The following ABCC6 variants were observed in gnomAD, a reference collection of about 807,000 sequenced individuals.
The protein encoded by ABCC6 is ATP binding cassette subfamily C member 6, also known as ATP-binding cassette sub-family C member 6.
ABCC6 carries 126 observed loss-of-function variants against 169.5 expected under a neutral mutation model. The ratio of observed to expected loss-of-function variants is 0.74; its 90% CI spans 0.64 to 0.86. The LOEUF is 0.86. Ranked by LOEUF, ABCC6 falls within the 40% of genes least tolerant of loss-of-function variation. ABCC6 has a pLI of 0.00. For synonymous variants in ABCC6, 752 were observed against 814.7 expected, an observed-to-expected ratio of 0.92 and a Z score of 1.31; for missense variants, 1,733 against 1,927.2, an observed-to-expected ratio of 0.90 and a Z score of 1.89.
intron 10 of ABCC6, among the ~76,000 whole-genome samples, chr16:16,197,263 A>G (rs2048069476): frequency 6.6e-6 from 1 of 152,114 alleles, no homozygotes; most frequent in Admixed American, 6.6e-5. Context: ...GGAAGTATCA[A>G]CGTCATCATC....
chr16:16,186,130 C>T (rs1013956911), intron 14 of ABCC6, among the ~76,000 whole-genome samples: 10 of 152,230 alleles, frequency 6.6e-5, no homozygotes, highest in Admixed American at 5.9e-4. Flanking sequence ...TTTCCAGGTA[C>T]ACAGTTTGCC....
chr16:16,163,531 C>T (rs1427145302), intron 23 of ABCC6, among the ~76,000 whole-genome samples: 2 of 152,168 alleles, frequency 1.3e-5, no homozygotes, highest in Non-Finnish European at 2.9e-5. Flanking sequence ...TGAGAAACCA[C>T]CAATTTAGTT....
intron 27 of ABCC6, among the ~76,000 whole-genome samples, chr16:16,155,965 G>C (rs1183170359): frequency 6.6e-6 from 1 of 152,026 alleles, no homozygotes; most frequent in Non-Finnish European, 1.5e-5. Flanking sequence ...GCCCAGGCTG[G>C]AGTGCAGTGG....
chr16:16,197,233 G>C (rs1404239404), intron 10 of ABCC6, among the ~76,000 whole-genome samples: 1 of 151,912 alleles, frequency 6.6e-6, no homozygotes, highest in Admixed American at 6.6e-5. Context: ...TTGCCTACTG[G>C]GTACCCTAAT....
chr16:16,219,065 A>C (rs1402003963), intron 4 of ABCC6, among the ~76,000 whole-genome samples: 36 of 134,550 alleles, frequency 2.7e-4, no homozygotes, highest in African/African-American at 1.0e-3. Flanking sequence ...CTCTCAAAAA[A>C]AAAAAAAAAA....
In ABCC6 at chr16:16,149,925, G is replaced by C; in HGVS notation, c.*208C>G. On this transcript the variant is annotated 3_prime_UTR_variant, in exon 31 of 31. Coordinates refer to ENST00000205557, the MANE Select transcript of ABCC6 (RefSeq NM_001171.6). ...GGGTGGACAGGGCGAGATGGGCCCTGCCCGGGCAGACCTGTGTATTGCTAG... is the reference window on the plus strand; with the variant it reads ...GGGTGGACAGGGCGAGATGGGCCCTCCCCGGGCAGACCTGTGTATTGCTAG... 1 of 728,342 alleles carries C rather than the reference G, an allele frequency of 1.4e-6. No individual in the cohort carries two copies. The highest frequency in any genetic ancestry group is 1.7e-5 in the South Asian group (1 of 58,958). 45.1% of individuals were successfully genotyped at this position (728,342 alleles called of 1,614,324 possible). A position where few individuals can be genotyped will look rare whatever the true frequency, so the allele number is the denominator to read the frequency against.
rs561209229 is a variant in ABCC6, at chr16:16,207,726, G to C, written c.794+1002C>G. Among the ~76,000 whole-genome samples, 9 of 152,294 alleles carry C rather than the reference G, an allele frequency of 5.9e-5. 1 individual carries two copies. In the East Asian group the frequency reaches 1.7e-3, roughly 29 times the overall value. On this transcript the variant is annotated intron_variant, in intron 7 of 30. Coordinates refer to ENST00000205557, the MANE Select transcript of ABCC6 (RefSeq NM_001171.6). The stretch of plus-strand genomic sequence containing the variant: ...AACGTGTCCAAGGTCATCACTATTT[G>C]AAGGCAGGGCAGCATTTAACCCAAT...
intron 10 of ABCC6, among the ~76,000 whole-genome samples, chr16:16,193,996 C>T (rs142812655): frequency 7.2e-5 from 11 of 152,292 alleles, no homozygotes; most frequent in African/African-American, 2.6e-4. Context: ...GGAAACAGCC[C>T]TCTTACACGA....
rs559575288 is a variant in ABCC6, at chr16:16,173,326, C to T, written c.2745G>A (p.Arg915=). The change falls in exon 21 of 31, where the codon AGG becomes AGA. Residue 915 remains arginine, a synonymous_variant. Coordinates refer to ENST00000205557, the MANE Select transcript of ABCC6 (RefSeq NM_001171.6). The part of the protein sequence containing the change: ...QTEVPLDDPD[R]AGWPAGKDSI... ...TGTCCTTTCCTGCTGGCCATCCTGC[C>T]CTGTCAGGGTCATCCAGAGGAACCT... is the stretch of plus-strand genomic sequence containing the variant. The T allele has an allele frequency of 2.0e-5, 32 of 1,613,976 alleles. 2 individuals are homozygous for T. The African/African-American group carries it at 3.9e-4, about 20-fold the overall frequency.
At chr16:16,188,121 T>A (rs1347166366) in intron 13 of ABCC6, among the ~76,000 whole-genome samples, 3 of 151,338 alleles carry the variant, frequency 2.0e-5, no homozygotes, top group Non-Finnish European at 4.4e-5. Context: ...GTGGCTCATG[T>A]CTGTAATCAG....
Position 16,177,448 on chromosome 16 carries a change from G to C in ABCC6, c.2590+4C>G. The C allele has an allele frequency of 6.2e-7, 1 of 1,614,050 alleles. No individual in the cohort carries two copies. The highest frequency in any genetic ancestry group is 8.5e-7 in the Non-Finnish European group (1 of 1,180,048). The stretch of plus-strand genomic sequence containing the variant: ...CTGGAGAATCAGCAAAGCCCACCTA[G>C]TACCTCCTTCTCCTCTATCTCCTGG... On this transcript the variant is annotated splice_donor_region_variant and intron_variant, in intron 19 of 30. Transcript: ENST00000205557.
At position 16,202,043 on chromosome 16, in the gene ABCC6, C is replaced by A. The variant is rs1224859041; in HGVS notation, c.1134G>T (p.Gln378His). ...QQNMYRLKVL[Q>H]MRLRSAITGL... is the part of the protein sequence containing the mutation. The stretch of plus-strand genomic sequence containing the variant: ...CAGTGATGGCCGACCGCAACCTCAT[C>A]TGCAGCACCTTGAGCCTGTACATGT... The change falls in exon 9 of 31, where the codon CAG becomes CAT. Residue 378 changes from glutamine to histidine, a missense_variant. Around this residue, in one of 5 missense-constraint regions of ABCC6, gnomAD observed 1,601 missense variants for 1,635.5 expected, o/e 0.98. Coordinates refer to ENST00000205557, the MANE Select transcript of ABCC6 (RefSeq NM_001171.6). The A allele has an allele frequency of 6.2e-7, 1 of 1,614,020 alleles. No individual in the cohort carries two copies. The highest frequency in any genetic ancestry group is 8.5e-7 in the Non-Finnish European group (1 of 1,179,878).
Position 16,198,143 on chromosome 16 carries a change from C to A in ABCC6, c.1216G>T (p.Val406Leu). The A allele has an allele frequency of 6.2e-7, 1 of 1,609,922 alleles. No homozygotes were observed. Among genetic ancestry groups the A allele is most frequent in the Middle Eastern group, 1.7e-4 (1 of 6,052 alleles). ...LSSGSRKASAVGDVVNLVSVD... is the reference protein window; with the variant it reads ...LSSGSRKASALGDVVNLVSVD... Reference sequence around the variant, plus strand: ...GACACCAGATTGACCACATCACCCACCGCACTGGCCTTTCTGGAGCCGCTG... The same window carrying A: ...GACACCAGATTGACCACATCACCCAACGCACTGGCCTTTCTGGAGCCGCTG... Residue 406 changes from valine to leucine, a missense_variant, in exon 10 of 31, where the codon GTG becomes TTG. By Grantham distance (32) the Val-to-Leu change is conservative. Coordinates refer to ENST00000205557, the MANE Select transcript of ABCC6 (RefSeq NM_001171.6).
At chr16:16,169,541 G>A in intron 22 of ABCC6, 105 bp downstream of exon 22, 1 of 1,365,308 alleles carries the variant, frequency 7.3e-7, no homozygotes, top group Non-Finnish European at 1.0e-6. Context: ...TTTGCACACT[G>A]TTCCAGGGGG....
rs1159644935 is a variant in ABCC6 at position 16,208,870 on chromosome 16, G to A, written c.663-11C>T. On this transcript the variant is annotated splice_polypyrimidine_tract_variant and intron_variant, in intron 6 of 30. Transcript: ENST00000205557. ...CCCCTCCAGACCAGGCTGCAAAAGA[G>A]GGGCACCAGGGAAAGCTTTTCCTGC... 3.7e-6 allele frequency: 6 copies of A among 1,613,300 alleles called. No homozygotes were observed. The highest frequency in any genetic ancestry group is 1.1e-5 in the South Asian group (1 of 91,046).
At chr16:16,219,057 C>A in intron 4 of ABCC6, among the ~76,000 whole-genome samples, 1 of 56,354 alleles carries the variant, frequency 1.8e-5, no homozygotes. Context: ...GAGCAAGCCT[C>A]TCAAAAAAAA....
chr16:16,192,778 G>A lies in ABCC6; in HGVS notation c.1431+52C>T, dbSNP rs1179408581. On this transcript the variant is annotated intron_variant, in intron 11 of 30. Transcript: ENST00000205557. The stretch of plus-strand genomic sequence containing the variant: ...CTCCGCATCTCCCACACCAGGACCT[G>A]TGGCTTCCTCCCTACTTCCTGCCTG... 4 of 1,535,998 alleles carry A rather than the reference G, an allele frequency of 2.6e-6. No individual in the cohort carries two copies. In the East Asian group the frequency reaches 6.8e-5, roughly 26 times the overall value.
chr16:16,170,970 G>T (rs2047047264), intron 21 of ABCC6, among the ~76,000 whole-genome samples: 2 of 109,250 alleles, frequency 1.8e-5, no homozygotes, highest in South Asian at 6.7e-4. Flanking sequence ...AAGAAAGAAA[G>T]AAATTCCAAG....
intron 24 of ABCC6, among the ~76,000 whole-genome samples, chr16:16,162,298 C>T (rs1029826423): frequency 1.3e-5 from 2 of 152,088 alleles, no homozygotes; most frequent in African/African-American, 4.8e-5. Flanking sequence ...TGTACTTGAC[C>T]CTCTCCACAC....
Sources: gnomAD v4.1 joint callset for allele counts (sites outside exome capture counted in the v4.1 genomes callset) on GRCh38, gnomAD v4.1.1 for gene constraint, gnomAD v4.1.1 regional missense constraint, MANE v1.5 for transcripts, NCBI Gene and HGNC (gene_info 2026-07-23, HGNC 2026-07-21) for gene names.